Variants in TNFRSF11A observed in about 807,000 individuals in gnomAD.
TNFRSF11A encodes the protein TNF receptor superfamily member 11a.
TNFRSF11A carries 32 observed loss-of-function variants against 55.7 expected under a neutral mutation model. The observed-to-expected ratio is 0.57, with a 90% CI of 0.43 to 0.77. The LOEUF (loss-of-function observed/expected upper bound fraction) is 0.77. Among genes scored for constraint, TNFRSF11A ranks in the 30% least tolerant of loss-of-function variants. The pLI is 0.00. For missense variants in TNFRSF11A, 753 were observed against 809.8 expected, an observed-to-expected ratio of 0.93 and a Z score of 0.85; for synonymous variants, 311 against 331.0, an observed-to-expected ratio of 0.94 and a Z score of 0.65.
intron 9 of TNFRSF11A, 111 bp from the exon 10 acceptor site, chr18:62,384,640 G>C (rs1911553493): frequency 7.6e-7 from 1 of 1,318,662 alleles, no homozygotes; most frequent in African/African-American, 1.5e-5. Flanking sequence ...GTGGCCCCGG[G>C]CTGTGGGAAT....
chr18:62,366,990 A>C (rs1479039349), intron 8 of TNFRSF11A, among the ~76,000 whole-genome samples: 1 of 152,210 alleles, frequency 6.6e-6, no homozygotes, highest in African/African-American at 2.4e-5. Flanking sequence ...CTGGGATTAC[A>C]GGAGCCCACT....
At chr18:62,367,258 G>T (rs562719794) in intron 8 of TNFRSF11A, among the ~76,000 whole-genome samples, 39 of 152,334 alleles carry the variant, frequency 2.6e-4, no homozygotes, top group African/African-American at 9.4e-4. Context: ...CATTCTAGAT[G>T]CCTGTTTTCT....
intron 8 of TNFRSF11A, among the ~76,000 whole-genome samples, chr18:62,367,132 G>A (rs1910150446): frequency 1.3e-5 from 2 of 152,204 alleles, no homozygotes; most frequent in Admixed American, 1.3e-4. Context: ...TTATAGGCAG[G>A]AGCCACCGCG....
intron 9 of TNFRSF11A, among the ~76,000 whole-genome samples, chr18:62,381,704 G>A (rs1274612573): frequency 6.6e-6 from 1 of 152,172 alleles, no homozygotes; most frequent in African/African-American, 2.4e-5. Context: ...GAGGAACTAG[G>A]TCAAGAATAA....
Position 62,384,809 on chromosome 18 carries a change from C to T in TNFRSF11A, c.1626C>T (p.Phe542=). ...TCTCCAGCGGGCAGGTGATGAACTT[C>T]AAGGGCGACATCATCGTGGTCTACG... ...TFISSGQVMN[F]KGDIIVVYVS... is the part of the protein sequence containing the mutation. Residue 542 remains phenylalanine (F), a synonymous_variant, in exon 10 of 10, where the codon TTC becomes TTT. Transcript: ENST00000586569. 3.7e-6 allele frequency: 6 copies of T among 1,612,710 alleles called. No homozygotes were observed. Among genetic ancestry groups the T allele is most frequent in the Non-Finnish European group, 4.2e-6 (5 of 1,179,478 alleles).
In TNFRSF11A at chr18:62,384,967, C is replaced by T. The variant is rs895969683; in HGVS notation, c.1784C>T (p.Pro595Leu). The change falls in exon 10 of 10, where the codon CCC becomes CTC. Residue 595 changes from proline to leucine, a missense_variant. By Grantham distance (98) the Pro-to-Leu change is moderately conservative. This residue lies in a region of TNFRSF11A where 567 missense variants were observed against 596.7 expected (regional missense o/e 0.95). Coordinates refer to ENST00000586569, the MANE Select transcript of TNFRSF11A (RefSeq NM_003839.4). ...GPRFPDPCGGPEGLREPEKAS... is the reference protein window; with the variant it reads ...GPRFPDPCGGLEGLREPEKAS... ...CGCTTCCCGGACCCGTGCGGCGGCC[C>T]CGAGGGGCTGCGGGAGCCGGAGAAG... 2.4e-5 allele frequency: 35 copies of T among 1,479,822 alleles called. No individual in the cohort carries two copies. Among genetic ancestry groups the T allele is most frequent in the Non-Finnish European group, 3.0e-5 (34 of 1,124,240 alleles). 91.7% of individuals were successfully genotyped at this position (1,479,822 alleles called of 1,614,324 possible). A position where few individuals can be genotyped will look rare whatever the true frequency, so the allele number is the denominator to read the frequency against.
chr18:62,366,678 A>T, intron 7 of TNFRSF11A, 30 bp from the exon 8 acceptor site: 1 of 1,611,670 alleles, frequency 6.2e-7, no homozygotes, highest in Non-Finnish European at 8.5e-7. Context: ...TAATAACTTG[A>T]AGTCCTTATC....
intron 1 of TNFRSF11A, among the ~76,000 whole-genome samples, chr18:62,333,098 G>A (rs369078386): frequency 2.6e-5 from 4 of 152,252 alleles, no homozygotes; most frequent in East Asian, 3.9e-4. Flanking sequence ...ATCATGTCCC[G>A]CCCTGATGTG....
At chr18:62,334,376 C>T (rs934850926) in intron 1 of TNFRSF11A, among the ~76,000 whole-genome samples, 1 of 152,110 alleles carries the variant, frequency 6.6e-6, no homozygotes, top group Non-Finnish European at 1.5e-5. Flanking sequence ...TTAGACTATA[C>T]CGTACCACTG....
At chr18:62,366,848 C>G (rs1401376157) in intron 8 of TNFRSF11A, 88 bp downstream of exon 8, 3 of 1,318,380 alleles carry the variant, frequency 2.3e-6, no homozygotes, top group Admixed American at 3.4e-5. Context: ...GAGCACCCCC[C>G]CCCACCCCCA....
intron 5 of TNFRSF11A, among the ~76,000 whole-genome samples, chr18:62,358,764 G>T (rs528729490): frequency 6.6e-5 from 10 of 151,884 alleles, no homozygotes; most frequent in East Asian, 1.9e-4. Context: ...ACATCGTGGG[G>T]TTTTTTTTCA....
At chr18:62,365,578 C>T (rs1910021757) in intron 7 of TNFRSF11A, among the ~76,000 whole-genome samples, 1 of 152,124 alleles carries the variant, frequency 6.6e-6, no homozygotes, top group Admixed American at 6.5e-5. Flanking sequence ...GTCTCCTAGA[C>T]ATGTTTTCTT....
At chr18:62,338,238 C>T (rs1290662851) in intron 1 of TNFRSF11A, among the ~76,000 whole-genome samples, 1 of 152,174 alleles carries the variant, frequency 6.6e-6, no homozygotes, top group Non-Finnish European at 1.5e-5. Flanking sequence ...TGGGAATGTG[C>T]AATGATGCCA....
chr18:62,369,794 CG>C (rs1910400189), intron 9 of TNFRSF11A, among the ~76,000 whole-genome samples: 1 of 152,204 alleles, frequency 6.6e-6, no homozygotes, highest in Non-Finnish European at 1.5e-5. Flanking sequence ...GCACTGACCC[CG>C]GAAAGACAAA....
intron 1 of TNFRSF11A, among the ~76,000 whole-genome samples, chr18:62,334,761 C>A (rs1458721479): frequency 1.3e-5 from 2 of 152,062 alleles, no homozygotes; most frequent in African/African-American, 2.4e-5. Flanking sequence ...GAGAAAAGTT[C>A]AAATAAGAAA....
At position 62,336,503 on chromosome 18, in the gene TNFRSF11A, T is replaced by G. The variant is rs528482059; in HGVS notation, c.75+11076T>G. 2.6e-5 allele frequency: 4 copies of G among 152,378 alleles called. No homozygotes were observed. The East Asian group carries it at 7.7e-4, about 29-fold the overall frequency. The allele number at this position is 152,378 out of a possible 1,614,324, so 9.4% of individuals were successfully genotyped here. A position where few individuals can be genotyped will look rare whatever the true frequency, so the allele number is the denominator to read the frequency against. On this transcript the variant is annotated intron_variant, in intron 1 of 9. Transcript: ENST00000586569. ...ACGTGGCCTCCAGCCGGGGGTGCACTCTCAGAAGTGACCACAGGGCTTGTT... is the reference window on the plus strand; with the variant it reads ...ACGTGGCCTCCAGCCGGGGGTGCACGCTCAGAAGTGACCACAGGGCTTGTT...
At chr18:62,373,564 GAATA>G (rs1910698897) in intron 9 of TNFRSF11A, among the ~76,000 whole-genome samples, 1 of 152,206 alleles carries the variant, frequency 6.6e-6, no homozygotes, top group South Asian at 2.1e-4. Context: ...ATCCATTCAG[GAATA>G]AATAGATGAA....
Position 62,389,228 on chromosome 18 carries a change from A to C in TNFRSF11A, c.*4194A>C, listed in dbSNP as rs1462697817. On this transcript the variant is annotated 3_prime_UTR_variant, in exon 10 of 10. Transcript: ENST00000586569. Reference sequence around the variant, plus strand: ...GAGACAATGCTCTGCTCCAAGCGCCAGAGGAGGCTTCTGGGAAGGGGCTGT... The same window carrying C: ...GAGACAATGCTCTGCTCCAAGCGCCCGAGGAGGCTTCTGGGAAGGGGCTGT... 3 of 152,318 alleles carry C rather than the reference A, an allele frequency of 2.0e-5. No individual in the cohort carries two copies. The highest frequency in any genetic ancestry group is 4.4e-5 in the Non-Finnish European group (3 of 68,120). 9.4% of individuals were successfully genotyped at this position (152,318 alleles called of 1,614,324 possible). A position where few individuals can be genotyped will look rare whatever the true frequency, so the allele number is the denominator to read the frequency against.
At position 62,360,141 on chromosome 18, in the gene TNFRSF11A, C is replaced by T. The variant is rs1198617728; in HGVS notation, c.616+92C>T. On this transcript the variant is annotated intron_variant, in intron 6 of 9. Transcript: ENST00000586569. The stretch of plus-strand genomic sequence containing the variant: ...CCCAGATGGCACGTGGATTTGCGGG[C>T]GTCCTCTCCCCCTTTATTTCATCCC... The T allele has an allele frequency of 3.2e-5, 29 of 906,160 alleles. 3 individuals are homozygous for T. The highest frequency in any genetic ancestry group is 2.4e-4 in the South Asian group (18 of 73,902). 56.1% of individuals were successfully genotyped at this position (906,160 alleles called of 1,614,324 possible). A position where few individuals can be genotyped will look rare whatever the true frequency, so the allele number is the denominator to read the frequency against.
Sources: gnomAD v4.1 joint callset for allele counts (sites outside exome capture counted in the v4.1 genomes callset) on GRCh38, gnomAD v4.1.1 for gene constraint, gnomAD v4.1.1 regional missense constraint, MANE v1.5 for transcripts, NCBI Gene and HGNC (gene_info 2026-07-23, HGNC 2026-07-21) for gene names.